Variants in TEAD1 observed in about 807,000 individuals in gnomAD.
TEAD1 encodes transcriptional enhancer factor TEF-1.
TEAD1 carries 9 observed loss-of-function variants against 54.9 expected under a neutral mutation model. That is an observed-to-expected ratio of 0.16 (90% CI 0.10 to 0.29). The LOEUF (loss-of-function observed/expected upper bound fraction) is 0.29, where lower values mean the gene tolerates loss of function less well. Ranked by LOEUF, TEAD1 falls within the 10% of genes least tolerant of loss-of-function variation. TEAD1 has a pLI of 1.00. For synonymous variants in TEAD1, 200 were observed against 187.8 expected (o/e 1.07, Z -0.53); for missense variants, 387 against 535.9 (o/e 0.72, Z 2.74).
intron 9 of TEAD1, among the ~76,000 whole-genome samples, chr11:12,889,973 C>G (rs7928633): frequency 6.6e-6 from 1 of 152,102 alleles, no homozygotes; most frequent in Non-Finnish European, 1.5e-5. Context: ...CCACCCACCT[C>G]GGCCTCCCAA....
chr11:12,778,097 T>A (rs183786962), intron 3 of TEAD1, among the ~76,000 whole-genome samples: 2 of 152,336 alleles, frequency 1.3e-5, no homozygotes, highest in Non-Finnish European at 1.5e-5. Flanking sequence ...CTAACAAGTC[T>A]TATGAATAGC....
chr11:12,701,826 G>A (rs1240168898), intron 2 of TEAD1, among the ~76,000 whole-genome samples: 1 of 152,178 alleles, frequency 6.6e-6, no homozygotes, highest in African/African-American at 2.4e-5. Flanking sequence ...AAATTATATA[G>A]GGAATAGAAG....
chr11:12,851,851 C>A (rs144306957), intron 3 of TEAD1, among the ~76,000 whole-genome samples: 2 of 151,830 alleles, frequency 1.3e-5, no homozygotes, highest in Non-Finnish European at 2.9e-5. Flanking sequence ...GCTACCAGAT[C>A]TGGGGTCACA....
chr11:12,777,233 A>G (rs969151944), intron 3 of TEAD1, among the ~76,000 whole-genome samples: 1 of 151,994 alleles, frequency 6.6e-6, no homozygotes, highest in South Asian at 2.1e-4. Context: ...TCTTTATTGC[A>G]TTGTAGTCCC....
At chr11:12,676,657 G>A (rs371731121) in intron 2 of TEAD1, among the ~76,000 whole-genome samples, 79 of 152,238 alleles carry the variant, frequency 5.2e-4, no homozygotes, top group African/African-American at 1.8e-3. Context: ...AAGACAAATG[G>A]ATTCGTTGAA....
rs1470544160 is a variant in TEAD1 at position 12,938,222 on chromosome 11, A to G, written c.*1000A>G. 2 of 152,638 alleles carry G rather than the reference A, an allele frequency of 1.3e-5. No homozygotes were observed. The highest frequency in any genetic ancestry group is 2.9e-5 in the Non-Finnish European group (2 of 68,038). 9.5% of individuals were successfully genotyped at this position (152,638 alleles called of 1,614,324 possible). A position where few individuals can be genotyped will look rare whatever the true frequency, so the allele number is the denominator to read the frequency against. ...TTTAAAATTGGCATGAATACGGAAT[A>G]CTGCACTGTGAGATGCAAAGTATAC... On this transcript the variant is annotated 3_prime_UTR_variant, in exon 13 of 13. Transcript: ENST00000527636.
chr11:12,809,748 G>A (rs1051137489), intron 3 of TEAD1, among the ~76,000 whole-genome samples: 1 of 152,136 alleles, frequency 6.6e-6, no homozygotes, highest in African/African-American at 2.4e-5. Context: ...CACTGTTAAG[G>A]TCTGTGGAGA....
intron 3 of TEAD1, among the ~76,000 whole-genome samples, chr11:12,844,431 A>G (rs1195471754): frequency 2.0e-5 from 3 of 152,196 alleles, no homozygotes; most frequent in Admixed American, 6.5e-5. Flanking sequence ...ATGATGGTAA[A>G]ATCACATTAT....
At chr11:12,697,655 G>A (rs986363726) in intron 2 of TEAD1, among the ~76,000 whole-genome samples, 2 of 152,154 alleles carry the variant, frequency 1.3e-5, no homozygotes, top group Non-Finnish European at 2.9e-5. Flanking sequence ...TGTATATTTA[G>A]GAAGTGGAAA....
At chr11:12,763,044 C>A (rs180927738) in intron 2 of TEAD1, among the ~76,000 whole-genome samples, 1 of 152,186 alleles carries the variant, frequency 6.6e-6, no homozygotes, top group Admixed American at 6.5e-5. Flanking sequence ...TTTTGGGAGG[C>A]CTTTGAATTA....
chr11:12,842,129 T>G (rs1025270062), intron 3 of TEAD1, among the ~76,000 whole-genome samples: 14 of 152,192 alleles, frequency 9.2e-5, no homozygotes, highest in African/African-American at 3.4e-4. Context: ...TATAATGATA[T>G]ATAGCTTGTC....
At chr11:12,702,646 T>C (rs1319252796) in intron 2 of TEAD1, among the ~76,000 whole-genome samples, 1 of 152,148 alleles carries the variant, frequency 6.6e-6, no homozygotes, top group Non-Finnish European at 1.5e-5. Flanking sequence ...CGTGAAACAT[T>C]TCCCTTTCCC....
intron 2 of TEAD1, among the ~76,000 whole-genome samples, chr11:12,741,352 T>G (rs1185183547): frequency 6.6e-6 from 1 of 152,160 alleles, no homozygotes; most frequent in Non-Finnish European, 1.5e-5. Flanking sequence ...TTTGATAAAT[T>G]TCTAGGGTTA....
chr11:12,932,926 G>A (rs577125383), intron 12 of TEAD1, among the ~76,000 whole-genome samples: 7 of 151,502 alleles, frequency 4.6e-5, no homozygotes, highest in Non-Finnish European at 1.0e-4. Context: ...GTGTAGATAT[G>A]TTTAGATACA....
intron 9 of TEAD1, among the ~76,000 whole-genome samples, chr11:12,892,437 C>T (rs557593797): frequency 6.6e-6 from 1 of 152,178 alleles, no homozygotes; most frequent in Non-Finnish European, 1.5e-5. Flanking sequence ...TGAGGTCAGG[C>T]ATTCAAGACC....
intron 3 of TEAD1, among the ~76,000 whole-genome samples, chr11:12,791,777 A>G (rs1189636672): frequency 2.6e-5 from 4 of 152,240 alleles, no homozygotes; most frequent in African/African-American, 9.6e-5. Flanking sequence ...GGGAAAATGC[A>G]TCCTTAATTA....
At chr11:12,766,055 C>T (rs1444000337) in intron 3 of TEAD1, among the ~76,000 whole-genome samples, 1 of 152,142 alleles carries the variant, frequency 6.6e-6, no homozygotes, top group Non-Finnish European at 1.5e-5. Flanking sequence ...GGGACACTAC[C>T]TTGTACAACT....
chr11:12,869,789 A>G (rs1356357209), intron 5 of TEAD1, among the ~76,000 whole-genome samples: 1 of 152,056 alleles, frequency 6.6e-6, no homozygotes, highest in African/African-American at 2.4e-5. Context: ...CCCACAATGT[A>G]TTTTCTTGCC....
At chr11:12,882,089 C>A (rs1433294717) in intron 8 of TEAD1, 132 bp downstream of exon 8, 4 of 931,694 alleles carry the variant, frequency 4.3e-6, no homozygotes, top group African/African-American at 3.2e-5. Flanking sequence ...CTTGCAGGAT[C>A]CTTGGGTAGC....
Sources: gnomAD v4.1 joint callset for allele counts (sites outside exome capture counted in the v4.1 genomes callset) on GRCh38, gnomAD v4.1.1 for gene constraint, MANE v1.5 for transcripts, NCBI Gene and HGNC (gene_info 2026-07-23, HGNC 2026-07-21) for gene names.